The following COL21A1 variants were observed in gnomAD, a reference collection of about 807,000 sequenced individuals.
COL21A1 encodes the protein collagen alpha-1(XXI) chain.
In COL21A1, 149 loss-of-function variants were observed where a neutral mutation model predicts 137.9. The observed-to-expected ratio is 1.08, with a 90% CI of 0.95 to 1.24. COL21A1 has a LOEUF of 1.24. Among genes scored for constraint, COL21A1 ranks in the 50% most tolerant of loss-of-function variants. The probability of loss-of-function intolerance (pLI) is 0.00; values close to 1 mark genes in which losing one functional copy is unlikely to be tolerated. For synonymous variants in COL21A1, 456 were observed against 391.5 expected (o/e 1.16, Z -1.95); for missense variants, 1,167 against 1,158.4 (o/e 1.01, Z -0.11).
Position 56,057,865 on chromosome 6 carries a change from G to GA in COL21A1, c.2687-22dup, listed in dbSNP as rs750043000. 3 of 1,474,314 alleles carry GA rather than the reference G, an allele frequency of 2.0e-6. No homozygotes were observed. The South Asian group carries it at 4.2e-5, about 21-fold the overall frequency. 91.3% of individuals were successfully genotyped at this position (1,474,314 alleles called of 1,614,324 possible). ...TGGACCTAAGATGGGACATTGGCAA[G>GA]ACGTAAACAGAGGACTTTAGTTTTT... On this transcript the variant is annotated intron_variant, in intron 29 of 29. Transcript: ENST00000244728.
chr6:56,373,898 C>A (rs1356764337), intron 1 of COL21A1, among the ~76,000 whole-genome samples: 1 of 152,162 alleles, frequency 6.6e-6, no homozygotes. Context: ...TCCTCGTAAA[C>A]AGGCTTTTAA....
At chr6:56,308,487 A>C (rs1448523907) in intron 1 of COL21A1, among the ~76,000 whole-genome samples, 1 of 152,256 alleles carries the variant, frequency 6.6e-6, no homozygotes, top group Non-Finnish European at 1.5e-5. Context: ...CCAAAAGACA[A>C]ACATGGCATG....
At chr6:56,192,811 T>C (rs1402869856) in intron 1 of COL21A1, among the ~76,000 whole-genome samples, 1 of 151,996 alleles carries the variant, frequency 6.6e-6, no homozygotes. Context: ...AGAAATACCA[T>C]TTGACCCAGC....
At chr6:56,235,272 T>G (rs1925149) in intron 1 of COL21A1, among the ~76,000 whole-genome samples, 99,742 of 151,730 alleles carry the variant, frequency 0.66, 33,189 homozygotes, top group East Asian at 0.87. Flanking sequence ...AAGCCTGAAG[T>G]TTAAAAACAA....
At chr6:56,179,168 C>G (rs892780186) in intron 3 of COL21A1, among the ~76,000 whole-genome samples, 5 of 151,682 alleles carry the variant, frequency 3.3e-5, no homozygotes, top group Non-Finnish European at 7.4e-5. Flanking sequence ...CTAAAACACA[C>G]TGGGGAAAAA....
At position 56,164,428 on chromosome 6, in the gene COL21A1, G is replaced by A; in HGVS notation, c.1366C>T (p.Pro456Ser). The A allele has an allele frequency of 1.3e-6, 2 of 1,578,658 alleles. No individual in the cohort carries two copies. Among genetic ancestry groups the A allele is most frequent in the Non-Finnish European group, 8.6e-7 (1 of 1,160,658 alleles). Residue 456 changes from proline (P) to serine (S), a missense_variant, in exon 9 of 30, where the codon CCC becomes TCC. Coordinates refer to ENST00000244728, the MANE Select transcript of COL21A1 (RefSeq NM_030820.4). Reference protein sequence around the residue: ...CPPGKPGLQGPKGDPGLPGNP... With the variant: ...CPPGKPGLQGSKGDPGLPGNP... ...GCAAGTTAGGTGTTACCCACTTTGG[G>A]GCCTTGAAGTCCTGGTTTTCCCGGA...
chr6:56,316,152 T>C (rs1379059278), intron 1 of COL21A1, among the ~76,000 whole-genome samples: 1 of 152,204 alleles, frequency 6.6e-6, no homozygotes, highest in Non-Finnish European at 1.5e-5. Context: ...ATGTATACAC[T>C]GTGAAGTGGC....
intron 16 of COL21A1, among the ~76,000 whole-genome samples, chr6:56,101,908 C>T (rs953009481): frequency 6.6e-6 from 1 of 151,812 alleles, no homozygotes; most frequent in Non-Finnish European, 1.5e-5. Context: ...CTAATTTGAC[C>T]TTGCCTTCAA....
intron 1 of COL21A1, among the ~76,000 whole-genome samples, chr6:56,336,119 AT>A (rs1220308064): frequency 1.3e-5 from 2 of 152,216 alleles, no homozygotes; most frequent in East Asian, 3.8e-4. Context: ...AGACCCCCAG[AT>A]TTCTCAAAGT....
chr6:56,285,202 C>G (rs1582756148), intron 1 of COL21A1, among the ~76,000 whole-genome samples: 4 of 152,320 alleles, frequency 2.6e-5, no homozygotes, highest in Admixed American at 2.6e-4. Flanking sequence ...CTTCTTCTTT[C>G]CTTCCACCTA....
At chr6:56,250,893 T>C (rs994510165), upstream of COL21A1, among the ~76,000 whole-genome samples, 2 of 152,232 alleles carry the variant, frequency 1.3e-5, no homozygotes, top group African/African-American at 4.8e-5. Context: ...AATGTTTAAA[T>C]TTACAAACTA....
intron 10 of COL21A1, among the ~76,000 whole-genome samples, chr6:56,148,995 C>T (rs971455173): frequency 6.6e-6 from 1 of 152,206 alleles, no homozygotes; most frequent in Non-Finnish European, 1.5e-5. Context: ...AGATGTTATG[C>T]ATTTACAAAC....
intron 10 of COL21A1, among the ~76,000 whole-genome samples, chr6:56,150,565 C>CACACA (rs1402170446): frequency 5.3e-5 from 6 of 112,604 alleles, no homozygotes; most frequent in South Asian, 2.8e-4. Flanking sequence ...CACACACACA[C>CACACA]AAGAGTGGGG....
At chr6:56,274,348 T>G (rs1323735024) in intron 1 of COL21A1, among the ~76,000 whole-genome samples, 3 of 152,154 alleles carry the variant, frequency 2.0e-5, no homozygotes, top group South Asian at 4.1e-4. Context: ...TTCAACATAG[T>G]ACTGGAAGTC....
chr6:56,283,099 G>A (rs1238906502), intron 1 of COL21A1, among the ~76,000 whole-genome samples: 1 of 152,036 alleles, frequency 6.6e-6, no homozygotes, highest in Non-Finnish European at 1.5e-5. Context: ...AAGTAACTTA[G>A]CAATCTGTAT....
intron 1 of COL21A1, among the ~76,000 whole-genome samples, chr6:56,243,693 C>T (rs1312491660): frequency 6.6e-6 from 1 of 152,104 alleles, no homozygotes; most frequent in Non-Finnish European, 1.5e-5. Context: ...GTTCTACTTC[C>T]CCAATTTTAC....
chr6:56,364,581 T>C (rs558405613), intron 1 of COL21A1, among the ~76,000 whole-genome samples: 1 of 152,312 alleles, frequency 6.6e-6, no homozygotes, highest in East Asian at 1.9e-4. Context: ...GGCTTTGTGC[T>C]ATGCTGCTTT....
At chr6:56,177,010 AAGG>A (rs886974669) in intron 3 of COL21A1, among the ~76,000 whole-genome samples, 6 of 145,740 alleles carry the variant, frequency 4.1e-5, no homozygotes, top group Non-Finnish European at 9.0e-5. Context: ...GAGGAGGGAG[AAGG>A]AGGAGGAAGA....
At chr6:56,361,336 G>T (rs973866589) in intron 1 of COL21A1, among the ~76,000 whole-genome samples, 6 of 152,072 alleles carry the variant, frequency 3.9e-5, no homozygotes, top group African/African-American at 1.4e-4. Flanking sequence ...AATAACCAGG[G>T]TATTCAGTGA....
Sources: allele counts gnomAD v4.1 joint callset (sites outside exome capture counted in the v4.1 genomes callset), GRCh38; gene constraint gnomAD v4.1.1; transcripts MANE v1.5; gene names NCBI Gene and HGNC (gene_info 2026-07-23, HGNC 2026-07-21).